Variants in CSMD3 observed in about 807,000 individuals in gnomAD.
CSMD3 encodes CUB and Sushi multiple domains 3, also known as CUB and sushi domain-containing protein 3.
Under a neutral mutation model 435.2 loss-of-function variants are expected in CSMD3, and 177 were observed. That is an observed-to-expected ratio of 0.41 (90% CI 0.36 to 0.46). The LOEUF (loss-of-function observed/expected upper bound fraction) is 0.46, where lower values mean the gene tolerates loss of function less well. CSMD3 is among the 20% of genes least tolerant of loss of function. The probability of loss-of-function intolerance (pLI) is 0.34; values close to 1 mark genes in which losing one functional copy is unlikely to be tolerated. For synonymous variants in CSMD3, 1,656 were observed against 1,520.5 expected (o/e 1.09, Z -2.07); for missense variants, 4,265 against 4,504.6 (o/e 0.95, Z 1.52).
intron 20 of CSMD3, among the ~76,000 whole-genome samples, chr8:112,640,508 A>G (rs947704779): frequency 1.3e-5 from 2 of 152,132 alleles, no homozygotes; most frequent in African/African-American, 4.8e-5. Context: ...ATCACTGCAT[A>G]ATGAATCAGA....
chr8:113,149,138 A>C (rs1480118391), intron 4 of CSMD3, among the ~76,000 whole-genome samples: 1 of 151,820 alleles, frequency 6.6e-6, no homozygotes. Context: ...AAAGAGAGGC[A>C]AAATTCCAAA....
chr8:112,570,119 A>G (rs1176420951), intron 24 of CSMD3, among the ~76,000 whole-genome samples: 6 of 151,220 alleles, frequency 4.0e-5, no homozygotes, highest in African/African-American at 1.5e-4. Context: ...TGCACATTCT[A>G]TCACGTTCAG....
At chr8:112,625,755 G>A (rs1586833423) in intron 22 of CSMD3, among the ~76,000 whole-genome samples, 1 of 152,162 alleles carries the variant, frequency 6.6e-6, no homozygotes, top group East Asian at 1.9e-4. Flanking sequence ...TAGTTTGGGG[G>A]AGGTAAATAA....
chr8:112,244,936 G>T (rs1814571215), intron 64 of CSMD3, among the ~76,000 whole-genome samples: 1 of 151,538 alleles, frequency 6.6e-6, no homozygotes, highest in Non-Finnish European at 1.5e-5. Flanking sequence ...GAAGTTCTGT[G>T]GTAAGATACC....
chr8:112,458,363 C>G (rs926015841), intron 32 of CSMD3, among the ~76,000 whole-genome samples: 1 of 151,930 alleles, frequency 6.6e-6, no homozygotes, highest in African/African-American at 2.4e-5. Flanking sequence ...GTCCTCTCAC[C>G]CAGATATGTT....
chr8:112,810,800 A>C (rs1315548965), intron 12 of CSMD3, among the ~76,000 whole-genome samples: 2 of 152,148 alleles, frequency 1.3e-5, no homozygotes, highest in Non-Finnish European at 2.9e-5. Context: ...GCCCTCCAAA[A>C]AATATTTTAT....
At chr8:113,109,738 G>A (rs533383260) in intron 4 of CSMD3, among the ~76,000 whole-genome samples, 2 of 152,252 alleles carry the variant, frequency 1.3e-5, no homozygotes, top group Admixed American at 1.3e-4. Context: ...TACTGGTCTG[G>A]ATTCTCTGGG....
chr8:112,265,657 G>T, intron 59 of CSMD3, 67 bp from the exon 60 acceptor site: 1 of 1,036,842 alleles, frequency 9.6e-7, no homozygotes, highest in Non-Finnish European at 1.5e-6. Flanking sequence ...GGAGTAGTAA[G>T]CATATGGCAT....
At chr8:113,241,082 C>T (rs1424239736) in intron 3 of CSMD3, among the ~76,000 whole-genome samples, 1 of 152,090 alleles carries the variant, frequency 6.6e-6, no homozygotes, top group Non-Finnish European at 1.5e-5. Context: ...TCCCACTTTT[C>T]TCTTTTCTTT....
At chr8:112,935,202 G>A (rs916636259) in intron 9 of CSMD3, among the ~76,000 whole-genome samples, 3 of 151,930 alleles carry the variant, frequency 2.0e-5, no homozygotes, top group African/African-American at 4.8e-5. Flanking sequence ...AAAATCAATC[G>A]GCTTTAAATG....
chr8:112,873,667 C>A (rs565798547), intron 10 of CSMD3, among the ~76,000 whole-genome samples: 8 of 151,774 alleles, frequency 5.3e-5, no homozygotes, highest in Admixed American at 2.6e-4. Context: ...ATTAAATATA[C>A]CATTTCTTCT....
At chr8:113,307,871 T>C (rs2093833790) in intron 2 of CSMD3, among the ~76,000 whole-genome samples, 1 of 152,190 alleles carries the variant, frequency 6.6e-6, no homozygotes, top group South Asian at 2.1e-4. Flanking sequence ...ACAGTGATGG[T>C]GAAGTACAAA....
At chr8:112,674,229 C>T (rs1233396965) in intron 16 of CSMD3, among the ~76,000 whole-genome samples, 1 of 152,098 alleles carries the variant, frequency 6.6e-6, no homozygotes, top group African/African-American at 2.4e-5. Flanking sequence ...GGTATTATCA[C>T]TTATTTTATA....
intron 10 of CSMD3, among the ~76,000 whole-genome samples, chr8:112,878,229 A>C (rs2081344402): frequency 6.6e-6 from 1 of 152,180 alleles, no homozygotes; most frequent in East Asian, 1.9e-4. Flanking sequence ...AAGAAAAAAC[A>C]AACAACCTCA....
chr8:112,478,805 C>T (rs941413301), intron 31 of CSMD3, among the ~76,000 whole-genome samples: 4 of 152,160 alleles, frequency 2.6e-5, no homozygotes, highest in African/African-American at 7.2e-5. Flanking sequence ...TGTTCCTGTT[C>T]GCCTGCCCTT....
chr8:113,372,832 G>T (rs1248420159), intron 1 of CSMD3, among the ~76,000 whole-genome samples: 1 of 151,806 alleles, frequency 6.6e-6, no homozygotes, highest in African/African-American at 2.4e-5. Flanking sequence ...TACTCGGGAG[G>T]CTGAGGCAGG....
At chr8:112,696,659 G>A (rs2076263434) in intron 13 of CSMD3, among the ~76,000 whole-genome samples, 1 of 152,070 alleles carries the variant, frequency 6.6e-6, no homozygotes, top group Non-Finnish European at 1.5e-5. Context: ...CAGGACATAG[G>A]CATGGGCAAG....
intron 13 of CSMD3, among the ~76,000 whole-genome samples, chr8:112,767,450 A>G (rs2078007381): frequency 6.6e-6 from 1 of 151,838 alleles, no homozygotes; most frequent in Non-Finnish European, 1.5e-5. Context: ...CACTGAAACC[A>G]TATGGCCTGG....
At chr8:113,042,428 A>G (rs190826693) in intron 5 of CSMD3, among the ~76,000 whole-genome samples, 76 of 152,292 alleles carry the variant, frequency 5.0e-4, no homozygotes, top group African/African-American at 1.8e-3. Context: ...AGTTTTCTTT[A>G]CAGTACCTGC....
Sources: gnomAD v4.1 joint callset for allele counts (sites outside exome capture counted in the v4.1 genomes callset) on GRCh38, gnomAD v4.1.1 for gene constraint, MANE v1.5 for transcripts, NCBI Gene and HGNC (gene_info 2026-07-23, HGNC 2026-07-21) for gene names.